OLFML2B: variants seen among roughly 807,000 people sequenced by gnomAD.
OLFML2B encodes the protein olfactomedin like 2B.
In OLFML2B, 57 loss-of-function variants were observed where a neutral mutation model predicts 74.9. The observed-to-expected ratio is 0.76, with a 90% CI of 0.61 to 0.95. The LOEUF is 0.95. Among genes scored for constraint, OLFML2B ranks in the 40% least tolerant of loss-of-function variants. The pLI is 0.00. For synonymous variants in OLFML2B, 388 were observed against 405.8 expected (o/e 0.96, Z 0.53); for missense variants, 986 against 970.6 (o/e 1.02, Z -0.21).
chr1:162,005,831 G>T (rs1192723922), intron 4 of OLFML2B, among the ~76,000 whole-genome samples: 2 of 148,228 alleles, frequency 1.3e-5, no homozygotes, highest in Non-Finnish European at 3.0e-5. Context: ...CTTGAGCCCA[G>T]GAATTTGAGG....
In OLFML2B at chr1:161,984,031, A is replaced by G; in HGVS notation, c.1897T>C (p.Tyr633His). 6.2e-7 allele frequency: 1 copy of G among 1,614,200 alleles called. No individual in the cohort carries two copies. The highest frequency in any genetic ancestry group is 8.5e-7 in the Non-Finnish European group (1 of 1,180,040). Residue 633 changes from tyrosine (Y) to histidine (H), a missense_variant, in exon 8 of 8, where the codon TAC (tyrosine) becomes CAC (histidine). Tyr to His is a moderately conservative substitution (Grantham distance 83, BLOSUM62 2). Coordinates refer to ENST00000294794, the MANE Select transcript of OLFML2B (RefSeq NM_015441.3). The part of the protein sequence containing the change: ...AVDENGLWLI[Y>H]PALDDEGFSQ... ...AAGCCCTCATCGTCCAGGGCCGGGT[A>G]GATGAGCCATAGGCCATTCTCGTCC...
rs151206943 is a variant in OLFML2B, at chr1:161,983,811, G to A, written c.2117C>T (p.Thr706Ile). Reference sequence around the variant, plus strand: ...GAACAGCAGCCTGGGGACGATCTGTGTGTTGGTGTGGGTGTCGAAAGCGTA... The same window carrying A: ...GAACAGCAGCCTGGGGACGATCTGTATGTTGGTGTGGGTGTCGAAAGCGTA... ...ISYAFDTHTNTQIVPRLLFEN... is the reference protein window; with the variant it reads ...ISYAFDTHTNIQIVPRLLFEN... The change falls in exon 8 of 8, where the codon ACA becomes ATA. Residue 706 changes from threonine to isoleucine, a missense_variant. Thr to Ile is a moderately conservative substitution (Grantham distance 89). Coordinates refer to ENST00000294794, the MANE Select transcript of OLFML2B (RefSeq NM_015441.3). 1 of 1,614,094 alleles carries A rather than the reference G, an allele frequency of 6.2e-7. No homozygotes were observed.
chr1:161,993,116 T>C (rs1165149942), intron 6 of OLFML2B, among the ~76,000 whole-genome samples: 4 of 152,204 alleles, frequency 2.6e-5, no homozygotes, highest in Non-Finnish European at 4.4e-5. Context: ...ACACCATGAA[T>C]GGAAGAAGAG....
intron 1 of OLFML2B, among the ~76,000 whole-genome samples, chr1:162,022,066 C>T (rs1294009824): frequency 6.6e-6 from 1 of 151,956 alleles, no homozygotes; most frequent in Non-Finnish European, 1.5e-5. Context: ...GTACAGGCAG[C>T]CCTGGAGGAT....
Position 162,022,244 on chromosome 1 carries a change from C to CTTT in OLFML2B, c.174+1010_174+1012dup, listed in dbSNP as rs56395023. Among the ~76,000 whole-genome samples the CTTT allele has an allele frequency of 4.4e-3, 308 of 70,762 alleles. 7 individuals carry two copies. The highest frequency in any genetic ancestry group is 9.0e-3 in the African/African-American group (153 of 17,068). The allele number at this position is 70,762 out of a possible 152,430, so 46.4% of individuals were successfully genotyped here. Reference sequence around the variant, plus strand: ...CCCTGGCTCTACCCATGTATCTCTTCTTTTTTTTTTTTTTTTTTTTTTTTG... The same window carrying CTTT: ...CCCTGGCTCTACCCATGTATCTCTTCTTTTTTTTTTTTTTTTTTTTTTTTTTTG... On this transcript the variant is annotated intron_variant, in intron 1 of 7. Transcript: ENST00000294794.
intron 3 of OLFML2B, among the ~76,000 whole-genome samples, chr1:162,011,092 TAG>T (rs1309027980): frequency 6.6e-6 from 1 of 151,998 alleles, no homozygotes; most frequent in African/African-American, 2.4e-5. Context: ...TGGTGTGCTG[TAG>T]AGAGACACAC....
In OLFML2B at chr1:161,984,943, C is replaced by T. The variant is rs145934709; in HGVS notation, c.1512G>A (p.Pro504=). ...TCCGCCCATATGTGTTCTGGGTGGT[C>T]GGCCCCGTGATTGTGGAGAGAGTGT... ...CKDTLSTITG[P]TTQNTYGRNE... is the part of the protein sequence containing the mutation. Residue 504 remains proline (P), a synonymous_variant, in exon 7 of 8, where the codon CCG becomes CCA. Transcript: ENST00000294794. The T allele has an allele frequency of 2.5e-5, 40 of 1,610,404 alleles. No homozygotes were observed. The highest frequency in any genetic ancestry group is 2.9e-5 in the Non-Finnish European group (34 of 1,179,044).
intron 6 of OLFML2B, among the ~76,000 whole-genome samples, chr1:161,989,971 C>A (rs1689690807): frequency 6.6e-6 from 1 of 152,204 alleles, no homozygotes; most frequent in South Asian, 2.1e-4. Context: ...GGAACCCTAT[C>A]ATATTCTTTC....
In OLFML2B at chr1:161,983,805, A is replaced by T. The variant is rs1689496359; in HGVS notation, c.2123T>A (p.Ile708Asn). The T allele has an allele frequency of 6.2e-6, 10 of 1,613,988 alleles. No homozygotes were observed. The highest frequency in any genetic ancestry group is 8.5e-6 in the Non-Finnish European group (10 of 1,180,036). Reference sequence around the variant, plus strand: ...ATTCTCGAACAGCAGCCTGGGGACGATCTGTGTGTTGGTGTGGGTGTCGAA... The same window carrying T: ...ATTCTCGAACAGCAGCCTGGGGACGTTCTGTGTGTTGGTGTGGGTGTCGAA... Reference protein sequence around the residue: ...YAFDTHTNTQIVPRLLFENEY... With the variant: ...YAFDTHTNTQNVPRLLFENEY... Residue 708 changes from isoleucine (I) to asparagine (N), a missense_variant, in exon 8 of 8, where the codon ATC (isoleucine) becomes AAC (asparagine). Ile to Asn is a moderately radical substitution (Grantham distance 149). Transcript: ENST00000294794.
intron 6 of OLFML2B, among the ~76,000 whole-genome samples, chr1:161,990,090 C>A (rs1689694016): frequency 6.6e-6 from 1 of 152,196 alleles, no homozygotes; most frequent in Non-Finnish European, 1.5e-5. Context: ...CTTCCTCACT[C>A]AGTAAGCTGA....
chr1:162,018,226 T>C (rs575381944), intron 2 of OLFML2B, among the ~76,000 whole-genome samples: 2 of 152,058 alleles, frequency 1.3e-5, no homozygotes, highest in South Asian at 4.2e-4. Context: ...TACAACAAAC[T>C]CCCATGACGT....
At chr1:162,000,361 G>C (rs761275822) in intron 4 of OLFML2B, 23 bp from the exon 5 acceptor site, 3 of 1,600,674 alleles carry the variant, frequency 1.9e-6, no homozygotes, top group Non-Finnish European at 2.6e-6. Flanking sequence ...GGGGACACAA[G>C]GGAAGGTCAG....
In OLFML2B at chr1:162,023,340, GC is replaced by G; in HGVS notation, c.90del (p.Glu30AspfsTer52). ...VSSIVLTGTS[E>X]PPDAQTVAPA... ...GGCGCCACTGTCTGCGCATCTGGGGGCTCGCTTGTCCCTGTGAGGACAATGC... is the reference window on the plus strand; with the variant it reads ...GGCGCCACTGTCTGCGCATCTGGGGGTCGCTTGTCCCTGTGAGGACAATGC... On this transcript the variant is annotated frameshift_variant, in exon 1 of 8. Transcript: ENST00000294794. LOFTEE classifies it high-confidence loss of function. 6.2e-7 allele frequency: 1 copy of G among 1,607,416 alleles called. No individual in the cohort carries two copies. Among genetic ancestry groups the G allele is most frequent in the Non-Finnish European group, 8.5e-7 (1 of 1,175,870 alleles).
chr1:161,993,525 T>C (rs1689802571), intron 6 of OLFML2B, among the ~76,000 whole-genome samples: 1 of 152,214 alleles, frequency 6.6e-6, no homozygotes. Context: ...GTCCACTTAA[T>C]ACTGGAGCAA....
intron 1 of OLFML2B, among the ~76,000 whole-genome samples, chr1:162,022,260 T>TTTTTTTTTTTTTC (rs1460566719): frequency 8.6e-5 from 11 of 127,860 alleles, no homozygotes; most frequent in East Asian, 6.9e-4. Context: ...TTTTTTTTTT[T>TTTTTTTTTTTTTC]TTTTTTTTGA....
intron 5 of OLFML2B, 63 bp from the exon 6 acceptor site, chr1:161,998,412 C>T (rs1333841066): frequency 2.0e-6 from 3 of 1,505,682 alleles, no homozygotes; most frequent in Non-Finnish European, 2.7e-6. Context: ...ATGACAAGAG[C>T]ACATGGCAAT....
chr1:162,004,416 C>A (rs958632035), intron 4 of OLFML2B, among the ~76,000 whole-genome samples: 4 of 152,168 alleles, frequency 2.6e-5, no homozygotes, highest in African/African-American at 9.7e-5. Context: ...AAAAAAGCAC[C>A]AAAGTAGTCA....
intron 6 of OLFML2B, among the ~76,000 whole-genome samples, chr1:161,989,162 T>C (rs1689669866): frequency 6.6e-6 from 1 of 152,242 alleles, no homozygotes; most frequent in Non-Finnish European, 1.5e-5. Context: ...GTATTCCCTG[T>C]GCTGCTTTTC....
In OLFML2B at chr1:162,006,330, CTGCAGGGCTGAGCGGA is replaced by C; in HGVS notation, c.674_689del (p.Ile225ArgfsTer44). 6.2e-7 allele frequency: 1 copy of C among 1,609,518 alleles called. No individual in the cohort carries two copies. The highest frequency in any genetic ancestry group is 8.5e-7 in the Non-Finnish European group (1 of 1,178,314). On this transcript the variant is annotated frameshift_variant, in exon 4 of 8. Coordinates refer to ENST00000294794, the MANE Select transcript of OLFML2B (RefSeq NM_015441.3). LOFTEE classifies it high-confidence loss of function. ...GGGCGTAGGCTGCTGCTGCATCCCT[CTGCAGGGCTGAGCGGA>C]TGTCTGGCATGCTATCTAGGATGTT...
Sources: allele counts gnomAD v4.1 joint callset (sites outside exome capture counted in the v4.1 genomes callset), GRCh38; gene constraint gnomAD v4.1.1; transcripts MANE v1.5; gene names NCBI Gene and HGNC (gene_info 2026-07-23, HGNC 2026-07-21).